PCP4: variants seen among roughly 807,000 people sequenced by gnomAD.
PCP4 encodes the protein Purkinje cell protein 4.
In PCP4, 8 loss-of-function variants were observed where a neutral mutation model predicts 10.0. The ratio of observed to expected loss-of-function variants is 0.80; its 90% CI spans 0.47 to 1.45. The LOEUF is 1.45. Ranked by LOEUF, PCP4 falls within the 40% of genes most tolerant of loss-of-function variation. PCP4 has a pLI of 0.00. For missense variants in PCP4, 54 were observed against 74.4 expected (o/e 0.73, Z 1.01); for synonymous variants, 21 against 23.0 (o/e 0.91, Z 0.24).
At chr21:39,924,266 A>T (rs1230676586) in intron 2 of PCP4, among the ~76,000 whole-genome samples, 1 of 152,172 alleles carries the variant, frequency 6.6e-6, no homozygotes, top group East Asian at 1.9e-4. Context: ...CCGAGTGTTG[A>T]TCTGAACATA....
intron 1 of PCP4, among the ~76,000 whole-genome samples, chr21:39,886,410 A>G (rs924631198): frequency 6.6e-6 from 1 of 152,238 alleles, no homozygotes; most frequent in Non-Finnish European, 1.5e-5. Context: ...AAATACTAGT[A>G]AAAATACTAA....
intron 1 of PCP4, among the ~76,000 whole-genome samples, chr21:39,884,254 A>G (rs1463367795): frequency 6.6e-6 from 1 of 150,940 alleles, no homozygotes; most frequent in Non-Finnish European, 1.5e-5. Flanking sequence ...ATCTTGGCTC[A>G]CTGCAACCTC....
At chr21:39,924,923 T>A (rs542096049) in intron 2 of PCP4, among the ~76,000 whole-genome samples, 1 of 152,290 alleles carries the variant, frequency 6.6e-6, no homozygotes, top group Non-Finnish European at 1.5e-5. Flanking sequence ...GAGCTTCTCT[T>A]GTTCTGCTGG....
chr21:39,876,292 T>C (rs1277196603), intron 1 of PCP4, among the ~76,000 whole-genome samples: 1 of 152,134 alleles, frequency 6.6e-6, no homozygotes, highest in Non-Finnish European at 1.5e-5. Context: ...CCCTATCCTC[T>C]GGCAAACCCA....
At chr21:39,881,868 A>G (rs1046099957) in intron 1 of PCP4, among the ~76,000 whole-genome samples, 1 of 152,200 alleles carries the variant, frequency 6.6e-6, no homozygotes, top group African/African-American at 2.4e-5. Flanking sequence ...TTAAATGGCA[A>G]GTAGAACACC....
At chr21:39,869,135 G>T (rs1447498247) in intron 1 of PCP4, among the ~76,000 whole-genome samples, 1 of 152,144 alleles carries the variant, frequency 6.6e-6, no homozygotes, top group Non-Finnish European at 1.5e-5. Flanking sequence ...ATAGAAGAAG[G>T]ACTTAGAAAG....
intron 2 of PCP4, among the ~76,000 whole-genome samples, chr21:39,909,889 G>A (rs977455705): frequency 7.9e-5 from 12 of 150,994 alleles, no homozygotes; most frequent in African/African-American, 2.4e-4. Context: ...TCTGCCTCCC[G>A]GGTTCAAGCG....
intron 2 of PCP4, among the ~76,000 whole-genome samples, chr21:39,914,169 C>G (rs1415199643): frequency 3.3e-5 from 1 of 30,768 alleles, no homozygotes; most frequent in Non-Finnish European, 6.5e-5. Flanking sequence ...CCAAGCTGCT[C>G]TTTGCTTTCC....
intron 2 of PCP4, among the ~76,000 whole-genome samples, chr21:39,909,546 T>C (rs934244144): frequency 6.6e-6 from 1 of 152,232 alleles, no homozygotes; most frequent in Non-Finnish European, 1.5e-5. Flanking sequence ...CCAGTTGCCA[T>C]TTCCTTTTTT....
chr21:39,903,996 C>G (rs1422248472), intron 2 of PCP4, among the ~76,000 whole-genome samples: 1 of 151,728 alleles, frequency 6.6e-6, no homozygotes, highest in Non-Finnish European at 1.5e-5. Context: ...AAATCAATCC[C>G]AAACCATAAA....
chr21:39,914,541 A>C (rs946305608), intron 2 of PCP4, among the ~76,000 whole-genome samples: 1 of 141,198 alleles, frequency 7.1e-6, no homozygotes, highest in African/African-American at 2.7e-5. Flanking sequence ...AGATCATGCC[A>C]CTGCACTCCA....
chr21:39,918,301 TG>T (rs1394094725), intron 2 of PCP4, among the ~76,000 whole-genome samples: 2 of 152,226 alleles, frequency 1.3e-5, no homozygotes, highest in African/African-American at 4.8e-5. Flanking sequence ...AGCATGGATT[TG>T]TGCTAATTTG....
intron 1 of PCP4, among the ~76,000 whole-genome samples, chr21:39,871,899 A>T (rs1341028960): frequency 6.6e-6 from 1 of 152,066 alleles, no homozygotes; most frequent in African/African-American, 2.4e-5. Context: ...TATTGATTTT[A>T]TTAAAGGTTT....
Position 39,906,945 on chromosome 21 carries a change from T to G in PCP4, c.61+8418T>G, listed in dbSNP as rs2087514029. ...TATTTCTCACGCGCTTGAAAACACTTTTGCTCTTTTAAGTAGGTGAAACAC... is the reference window on the plus strand; with the variant it reads ...TATTTCTCACGCGCTTGAAAACACTGTTGCTCTTTTAAGTAGGTGAAACAC... On this transcript the variant is annotated intron_variant, in intron 2 of 2. Transcript: ENST00000328619. The surrounding 1 kb of genome is among the most constrained non-coding windows in gnomAD (Gnocchi z 6.3). Among the ~76,000 whole-genome samples the G allele has an allele frequency of 2.0e-5, 3 of 152,158 alleles. No homozygotes were observed. The highest frequency in any genetic ancestry group is 4.1e-4 in the South Asian group (2 of 4,826).
chr21:39,882,501 A>C (rs188713060), intron 1 of PCP4, among the ~76,000 whole-genome samples: 9 of 152,356 alleles, frequency 5.9e-5, no homozygotes, highest in African/African-American at 2.2e-4. Flanking sequence ...AAAGCAAAGA[A>C]AAGATGTGTC....
At chr21:39,893,893 A>G (rs2087445256) in intron 1 of PCP4, among the ~76,000 whole-genome samples, 1 of 152,180 alleles carries the variant, frequency 6.6e-6, no homozygotes, top group Admixed American at 6.5e-5. Flanking sequence ...AGTGTCTCTG[A>G]TGATGTAGAT....
chr21:39,892,107 A>T (rs1053100722), intron 1 of PCP4, among the ~76,000 whole-genome samples: 16 of 152,180 alleles, frequency 1.1e-4, no homozygotes, highest in Middle Eastern at 3.2e-3. Context: ...GCCTTCCCAG[A>T]CACTGGCGTT....
chr21:39,874,767 T>C (rs1428215936), intron 1 of PCP4, among the ~76,000 whole-genome samples: 1 of 152,124 alleles, frequency 6.6e-6, no homozygotes, highest in Non-Finnish European at 1.5e-5. Context: ...CTTTAAAATT[T>C]ATGATTCTTA....
At chr21:39,880,382 CTT>C (rs1166901954) in intron 1 of PCP4, among the ~76,000 whole-genome samples, 1 of 152,136 alleles carries the variant, frequency 6.6e-6, no homozygotes, top group Non-Finnish European at 1.5e-5. Context: ...GCTGAGGACT[CTT>C]TTGATGATGA....
Sources: allele counts gnomAD v4.1 joint callset (sites outside exome capture counted in the v4.1 genomes callset), GRCh38; gene constraint gnomAD v4.1.1; non-coding constraint Gnocchi (gnomAD v3.1); transcripts MANE v1.5; gene names NCBI Gene and HGNC (gene_info 2026-07-23, HGNC 2026-07-21).